The following FSTL4 variants were observed in gnomAD, a reference collection of about 807,000 sequenced individuals.
FSTL4 encodes follistatin-related protein 4.
Under a neutral mutation model 78.2 loss-of-function variants are expected in FSTL4, and 28 were observed. That is an observed-to-expected ratio of 0.36 (90% confidence interval 0.27 to 0.49). The LOEUF (loss-of-function observed/expected upper bound fraction) is 0.49, where lower values mean the gene tolerates loss of function less well. Among genes scored for constraint, FSTL4 ranks in the 20% least tolerant of loss-of-function variants. FSTL4 has a pLI of 0.98. For synonymous variants in FSTL4, 422 were observed against 440.5 expected (o/e 0.96, Z 0.53); for missense variants, 922 against 1,084.9 (o/e 0.85, Z 2.11).
chr5:133,495,456 G>A (rs10055615), intron 3 of FSTL4, among the ~76,000 whole-genome samples: 10 of 152,194 alleles, frequency 6.6e-5, no homozygotes, highest in Non-Finnish European at 1.0e-4. Flanking sequence ...GGGGATGAGC[G>A]ATAATCCAAA....
At chr5:133,435,854 C>A (rs566550847) in intron 3 of FSTL4, among the ~76,000 whole-genome samples, 1 of 152,166 alleles carries the variant, frequency 6.6e-6, no homozygotes, top group African/African-American at 2.4e-5. Flanking sequence ...AGTGTTGTTG[C>A]CTTGAATTCT....
chr5:133,324,424 C>T (rs1003361096), intron 4 of FSTL4, among the ~76,000 whole-genome samples: 9 of 152,234 alleles, frequency 5.9e-5, no homozygotes, highest in Non-Finnish European at 8.8e-5. Context: ...TCTCTTGCTG[C>T]CCCGTCCTAC....
the FSTL4 span, among the ~76,000 whole-genome samples, chr5:133,665,242 G>A: frequency 6.6e-6 from 1 of 152,218 alleles, no homozygotes; most frequent in South Asian, 2.1e-4. Context: ...AAACCTCAGT[G>A]GCTTGACCCA....
At chr5:133,771,633 T>G in the FSTL4 span, among the ~76,000 whole-genome samples, 2 of 152,126 alleles carry the variant, frequency 1.3e-5, no homozygotes, top group African/African-American at 4.8e-5. Flanking sequence ...GGATTTTTTT[T>G]TGTGGAGTCT....
At chr5:133,336,575 C>T (rs538461258) in intron 4 of FSTL4, among the ~76,000 whole-genome samples, 1 of 152,160 alleles carries the variant, frequency 6.6e-6, no homozygotes, top group African/African-American at 2.4e-5. Context: ...ATTCCCTGCC[C>T]CCATTGACCC....
chr5:133,331,527 G>C (rs775880068), intron 4 of FSTL4, among the ~76,000 whole-genome samples: 3 of 152,162 alleles, frequency 2.0e-5, no homozygotes, highest in Admixed American at 2.0e-4. Context: ...TAGAAGAAAA[G>C]GTGTTACAGG....
the FSTL4 span, among the ~76,000 whole-genome samples, chr5:133,740,222 A>G: frequency 6.6e-6 from 1 of 152,114 alleles, no homozygotes; most frequent in African/African-American, 2.4e-5. Context: ...ATACCCCCTT[A>G]GACAGGTGGA....
At chr5:133,500,781 C>T (rs1161872796) in intron 3 of FSTL4, among the ~76,000 whole-genome samples, 1 of 152,158 alleles carries the variant, frequency 6.6e-6, no homozygotes, top group Non-Finnish European at 1.5e-5. Context: ...AATTCTACCT[C>T]TAACCTTTCT....
intron 3 of FSTL4, among the ~76,000 whole-genome samples, chr5:133,451,668 G>A (rs994290813): frequency 2.0e-5 from 3 of 152,200 alleles, no homozygotes; most frequent in African/African-American, 7.2e-5. Flanking sequence ...CTGTACTTGG[G>A]CTAAGCCAGG....
At chr5:133,392,716 C>T (rs890002656) in intron 4 of FSTL4, among the ~76,000 whole-genome samples, 8 of 151,478 alleles carry the variant, frequency 5.3e-5, no homozygotes, top group African/African-American at 2.0e-4. Context: ...GAGACTAGGC[C>T]GCCAGCAACC....
intron 2 of FSTL4, among the ~76,000 whole-genome samples, chr5:133,573,721 A>G (rs1363248505): frequency 6.6e-6 from 1 of 152,234 alleles, no homozygotes; most frequent in Non-Finnish European, 1.5e-5. Flanking sequence ...TATAATTTTA[A>G]AACTTGACCT....
At chr5:133,751,157 G>T in the FSTL4 span, among the ~76,000 whole-genome samples, 1 of 151,918 alleles carries the variant, frequency 6.6e-6, no homozygotes, top group African/African-American at 2.4e-5. Flanking sequence ...AGCCCTACCT[G>T]CCAGTCATGC....
At chr5:133,354,199 T>A (rs961186242) in intron 4 of FSTL4, among the ~76,000 whole-genome samples, 1 of 151,472 alleles carries the variant, frequency 6.6e-6, no homozygotes, top group African/African-American at 2.4e-5. Context: ...CACAGGGAGT[T>A]GATGATGCTA....
At position 133,199,989 on chromosome 5, in the gene FSTL4, C is replaced by T. The variant is rs947963113; in HGVS notation, c.1827-192G>A. On this transcript the variant is annotated intron_variant, in intron 15 of 15. Transcript: ENST00000265342. This position sits in a 1 kb window ranked among gnomAD's most constrained non-coding sequence, Gnocchi z 4.4. ...ATAATCTATGATCTCAATCCAAACG[C>T]AGTGGAGTTACAAATGTTCCTGGAT... Among the ~76,000 whole-genome samples, 1 of 152,186 alleles carries T rather than the reference C, an allele frequency of 6.6e-6. No individual in the cohort carries two copies. Among genetic ancestry groups the T allele is most frequent in the African/African-American group, 2.4e-5 (1 of 41,436 alleles).
At chr5:133,345,071 C>T (rs1384469853) in intron 4 of FSTL4, among the ~76,000 whole-genome samples, 1 of 151,838 alleles carries the variant, frequency 6.6e-6, no homozygotes, top group Admixed American at 6.6e-5. Flanking sequence ...CGGGTTCACG[C>T]CATTCTCCTG....
chr5:133,647,650 C>A, the FSTL4 span, among the ~76,000 whole-genome samples: 1 of 152,208 alleles, frequency 6.6e-6, no homozygotes, highest in Non-Finnish European at 1.5e-5. Context: ...CACACAGCCT[C>A]AAGCCATAAG....
At chr5:133,332,596 G>A (rs573761936) in intron 4 of FSTL4, among the ~76,000 whole-genome samples, 158 of 152,314 alleles carry the variant, frequency 1.0e-3, no homozygotes, top group African/African-American at 3.8e-3. Flanking sequence ...CAGATCACGT[G>A]TCACAGAATT....
At chr5:133,219,013 T>C (rs1216463665) in intron 12 of FSTL4, among the ~76,000 whole-genome samples, 1 of 152,238 alleles carries the variant, frequency 6.6e-6, no homozygotes, top group Non-Finnish European at 1.5e-5. Flanking sequence ...CTTCTTTTCC[T>C]TTGTCTTACA....
chr5:133,606,963 A>G (rs1760990726), intron 1 of FSTL4, among the ~76,000 whole-genome samples: 1 of 152,218 alleles, frequency 6.6e-6, no homozygotes, highest in Admixed American at 6.5e-5. Context: ...GTTGTGTTTC[A>G]GAAGGCCCAA....
Sources: gnomAD v4.1 joint callset for allele counts (sites outside exome capture counted in the v4.1 genomes callset) on GRCh38, gnomAD v4.1.1 for gene constraint, Gnocchi (gnomAD v3.1) non-coding constraint, MANE v1.5 for transcripts, NCBI Gene and HGNC (gene_info 2026-07-23, HGNC 2026-07-21) for gene names.